Variants in UMOD observed in about 807,000 individuals in gnomAD.
UMOD encodes the protein Tamm-Horsfall urinary glycoprotein.
UMOD carries 64 observed loss-of-function variants against 66.0 expected under a neutral mutation model. The observed-to-expected ratio is 0.97, with a 90% CI of 0.79 to 1.19. The LOEUF (loss-of-function observed/expected upper bound fraction) is 1.19, where lower values mean the gene tolerates loss of function less well. Ranked by LOEUF, UMOD falls within the 50% of genes most tolerant of loss-of-function variation. UMOD has a pLI of 0.00. For missense variants in UMOD, 764 were observed against 850.9 expected, an observed-to-expected ratio of 0.90 and a Z score of 1.27; for synonymous variants, 398 against 352.7, an observed-to-expected ratio of 1.13 and a Z score of -1.44.
At chr16:20,354,225 C>A (rs1416071881), upstream of UMOD, among the ~76,000 whole-genome samples, 1 of 152,186 alleles carries the variant, frequency 6.6e-6, no homozygotes, top group Non-Finnish European at 1.5e-5. Flanking sequence ...TTTCTCCATC[C>A]TGTCCCACTC....
rs747139798 is a variant in UMOD, at chr16:20,348,286, C to G, written c.910G>C (p.Glu304Gln). Residue 304 changes from glutamate (E) to glutamine (Q), a missense_variant, in exon 4 of 11, where the codon GAG becomes CAG. Glu to Gln is a conservative substitution (Grantham distance 29). Coordinates refer to ENST00000396138, the MANE Select transcript of UMOD (RefSeq NM_003361.4). ...CTGCCATTATTCGATTTGCAGTCCT[C>G]GTCTATACTGCACTCCTCACACGTC... is the stretch of plus-strand genomic sequence containing the variant. ...EGTCEECSID[E>Q]DCKSNNGRWH... is the part of the protein sequence containing the mutation. The G allele has an allele frequency of 6.2e-7, 1 of 1,614,238 alleles. No individual in the cohort carries two copies. The highest frequency in any genetic ancestry group is 1.1e-5 in the South Asian group (1 of 91,088).
intron 1 of UMOD, among the ~76,000 whole-genome samples, chr16:20,352,271 T>C (rs1398027287): frequency 6.6e-6 from 1 of 152,060 alleles, no homozygotes; most frequent in East Asian, 1.9e-4. Flanking sequence ...TTCTATTATA[T>C]TTAATTAAAA....
chr16:20,336,540 T>A, intron 9 of UMOD, 106 bp downstream of exon 9: 1 of 1,077,262 alleles, frequency 9.3e-7, no homozygotes, highest in Non-Finnish European at 1.4e-6. Flanking sequence ...TTGCTCCCAG[T>A]TCTTCAGAGC....
chr16:20,349,755 A>AT, intron 2 of UMOD: 1 of 1,534,882 alleles, frequency 6.5e-7, no homozygotes, highest in Non-Finnish European at 8.8e-7. Flanking sequence ...TTCTTTGCAC[A>AT]TTTTATGTTT....
intron 8 of UMOD, among the ~76,000 whole-genome samples, chr16:20,336,967 G>A (rs1964911692): frequency 6.6e-6 from 1 of 152,222 alleles, no homozygotes; most frequent in African/African-American, 2.4e-5. Flanking sequence ...AAGGGAACCA[G>A]TAATACCTCC....
rs1008862676 is a variant in UMOD at position 20,346,023 on chromosome 16, C to T, written c.1182+103G>A. 1.4e-5 allele frequency: 15 copies of T among 1,095,834 alleles called. No homozygotes were observed. The African/African-American group carries it at 2.2e-4, about 16-fold the overall frequency. 67.9% of individuals were successfully genotyped at this position (1,095,834 alleles called of 1,614,324 possible). On this transcript the variant is annotated intron_variant, in intron 5 of 10. Transcript: ENST00000396138. ...TACAGTTGATGAAACTGAGGCACAG[C>T]CAGGCTAAATAACTCCCCAAAGCTT...
chr16:20,339,173 A>C (rs542554531), intron 7 of UMOD, among the ~76,000 whole-genome samples: 1 of 152,394 alleles, frequency 6.6e-6, no homozygotes, highest in East Asian at 1.9e-4. Context: ...CTTAAAGCTA[A>C]GAAATGGCAA....
At chr16:20,334,330 T>C (rs1596535913) in intron 10 of UMOD, among the ~76,000 whole-genome samples, 4 of 152,050 alleles carry the variant, frequency 2.6e-5, no homozygotes, top group Admixed American at 2.6e-4. Flanking sequence ...TAGAAAAAGG[T>C]GTTAGAGAGG....
At chr16:20,341,653 C>T (rs1965225005) in intron 6 of UMOD, among the ~76,000 whole-genome samples, 1 of 152,150 alleles carries the variant, frequency 6.6e-6, no homozygotes, top group African/African-American at 2.4e-5. Context: ...CACATCCAGT[C>T]CCTCACTTGC....
chr16:20,350,514 G>T, intron 2 of UMOD, 136 bp downstream of exon 2: 2 of 1,190,126 alleles, frequency 1.7e-6, no homozygotes, highest in Non-Finnish European at 2.4e-6. Context: ...AATGGACTTA[G>T]AATGAAGACA....
chr16:20,333,504 G>A, intron 10 of UMOD, 129 bp from the exon 11 acceptor site: 1 of 856,394 alleles, frequency 1.2e-6, no homozygotes, highest in South Asian at 1.5e-5. Context: ...CCTAGAAAAA[G>A]GAAGCTTCCT....
At chr16:20,350,338 G>A (rs1965829799) in intron 2 of UMOD, among the ~76,000 whole-genome samples, 1 of 152,150 alleles carries the variant, frequency 6.6e-6, no homozygotes, top group Admixed American at 6.5e-5. Context: ...CCTTAGAGAT[G>A]TTCTAGCCCC....
In UMOD at chr16:20,336,683, T is replaced by C; in HGVS notation, c.1785A>G (p.Gln595=). 1 of 1,614,138 alleles carries C rather than the reference T, an allele frequency of 6.2e-7. No individual in the cohort carries two copies. Among genetic ancestry groups the C allele is most frequent in the African/African-American group, 1.3e-5 (1 of 75,052 alleles). Residue 595 remains glutamine (Q), a synonymous_variant, in exon 9 of 11, where the codon CAA becomes CAG. Transcript: ENST00000396138. ...TGGGACCCAAGTTCAGGACACGGGA[T>C]TGATCTATGACACTCCCACTTCGGA... is the stretch of plus-strand genomic sequence containing the variant. ...TRFRSGSVID[Q]SRVLNLGPIT...
At chr16:20,344,922 G>T (rs1027466806) in intron 5 of UMOD, among the ~76,000 whole-genome samples, 2 of 152,184 alleles carry the variant, frequency 1.3e-5, no homozygotes, top group Non-Finnish European at 2.9e-5. Context: ...TCAGCACCCC[G>T]TGCTTCCTCT....
chr16:20,356,097 A>C (rs1966025187), upstream of UMOD: 1 of 152,218 alleles, frequency 6.6e-6, no homozygotes, highest in Non-Finnish European at 1.5e-5. Context: ...CAGAACACAA[A>C]AACTTAGAAT....
chr16:20,353,729 A>G (rs1222496545), upstream of UMOD, among the ~76,000 whole-genome samples: 1 of 152,058 alleles, frequency 6.6e-6, no homozygotes, highest in African/African-American at 2.4e-5. Flanking sequence ...TGGGCTGAGC[A>G]GGAAAATATC....
At chr16:20,351,924 A>G (rs1449303944) in intron 1 of UMOD, among the ~76,000 whole-genome samples, 2 of 151,276 alleles carry the variant, frequency 1.3e-5, no homozygotes, top group African/African-American at 2.4e-5. Context: ...AGGCTGAGAC[A>G]GGAGGATTGC....
chr16:20,354,764 C>T (rs999944274), upstream of UMOD, among the ~76,000 whole-genome samples: 1 of 152,154 alleles, frequency 6.6e-6, no homozygotes, highest in Non-Finnish European at 1.5e-5. Flanking sequence ...TGGGGCCTTA[C>T]TGATCATGGA....
At chr16:20,349,933 T>C (rs1417291498) in intron 2 of UMOD, 1 of 1,488,328 alleles carries the variant, frequency 6.7e-7, no homozygotes, top group Non-Finnish European at 9.0e-7. Flanking sequence ...AATTACTATA[T>C]GCCAGGCAAT....
Sources: allele counts gnomAD v4.1 joint callset (sites outside exome capture counted in the v4.1 genomes callset), GRCh38; gene constraint gnomAD v4.1.1; transcripts MANE v1.5; gene names NCBI Gene and HGNC (gene_info 2026-07-23, HGNC 2026-07-21).